The following ASTN2 variants were observed in gnomAD, a reference collection of about 807,000 sequenced individuals.
ASTN2 encodes the protein astrotactin-2.
A neutral mutation model predicts 139.8 loss-of-function variants in ASTN2; 54 were observed. The ratio of observed to expected loss-of-function variants is 0.39; its 90% CI spans 0.31 to 0.48. The LOEUF (loss-of-function observed/expected upper bound fraction) is 0.48, where lower values mean the gene tolerates loss of function less well. Ranked by LOEUF, ASTN2 falls within the 20% of genes least tolerant of loss-of-function variation. The pLI is 0.95. For synonymous variants in ASTN2, 756 were observed against 719.5 expected (o/e 1.05, Z -0.81); for missense variants, 1,565 against 1,725.1 (o/e 0.91, Z 1.64).
At chr9:117,004,326 G>T (rs115489490) in intron 7 of ASTN2, among the ~76,000 whole-genome samples, 2,553 of 152,092 alleles carry the variant, frequency 0.017, 62 homozygotes, top group African/African-American at 0.05. Context: ...TCACTATGTT[G>T]CCCAGGCTGG....
chr9:116,587,851 C>T (rs1854220669), intron 19 of ASTN2, among the ~76,000 whole-genome samples: 1 of 90,372 alleles, frequency 1.1e-5, no homozygotes, highest in African/African-American at 4.1e-5. Flanking sequence ...GCAGGAGATG[C>T]TCATATTCTA....
At chr9:117,142,988 A>C (rs1209424852) in intron 3 of ASTN2, among the ~76,000 whole-genome samples, 2 of 152,190 alleles carry the variant, frequency 1.3e-5, no homozygotes, top group Non-Finnish European at 1.5e-5. Context: ...TAGACAAAGA[A>C]GGCTCCTGAA....
intron 11 of ASTN2, among the ~76,000 whole-genome samples, chr9:116,859,896 G>A (rs1268407929): frequency 6.6e-6 from 1 of 152,252 alleles, no homozygotes; most frequent in Non-Finnish European, 1.5e-5. Context: ...GCTTTCCTCA[G>A]ATCCTCCAGG....
intron 1 of ASTN2, among the ~76,000 whole-genome samples, chr9:117,354,296 C>T (rs1304906226): frequency 6.6e-6 from 1 of 152,094 alleles, no homozygotes; most frequent in Non-Finnish European, 1.5e-5. Context: ...CATCATCTGG[C>T]CTCTGCCTCT....
At chr9:116,580,514 A>G (rs975114456) in intron 19 of ASTN2, among the ~76,000 whole-genome samples, 2 of 152,190 alleles carry the variant, frequency 1.3e-5, no homozygotes, top group African/African-American at 4.8e-5. Flanking sequence ...ATACCCTGTG[A>G]CACCAGGCTG....
chr9:117,304,134 G>A (rs7037378), intron 1 of ASTN2, among the ~76,000 whole-genome samples: 3,531 of 152,288 alleles, frequency 0.023, 123 homozygotes, highest in African/African-American at 0.08. Context: ...AAGACCATAC[G>A]AAGTGCCCAA....
intron 16 of ASTN2, chr9:116,697,908 A>G (rs1431470875): frequency 6.2e-7 from 1 of 1,614,234 alleles, no homozygotes; most frequent in Admixed American, 1.7e-5. Flanking sequence ...GGCCAGTAGC[A>G]TCAATGGTGT....
At chr9:116,886,051 G>T (rs1473384936) in intron 10 of ASTN2, among the ~76,000 whole-genome samples, 1 of 152,240 alleles carries the variant, frequency 6.6e-6, no homozygotes, top group Admixed American at 6.5e-5. Context: ...CCTCAGGACT[G>T]ATCCTCTTGC....
chr9:117,353,202 A>T (rs1265511240), intron 1 of ASTN2, among the ~76,000 whole-genome samples: 3 of 152,168 alleles, frequency 2.0e-5, no homozygotes, highest in Admixed American at 6.5e-5. Context: ...GTAAAAAAAA[A>T]ATCACAGCAC....
intron 19 of ASTN2, among the ~76,000 whole-genome samples, chr9:116,514,883 G>A (rs1032680031): frequency 6.6e-6 from 1 of 152,134 alleles, no homozygotes; most frequent in Non-Finnish European, 1.5e-5. Flanking sequence ...GATTTTCCAG[G>A]TGCCATCTGT....
intron 3 of ASTN2, among the ~76,000 whole-genome samples, chr9:117,147,857 C>G (rs1175817409): frequency 6.6e-6 from 1 of 152,164 alleles, no homozygotes; most frequent in East Asian, 1.9e-4. Context: ...TTGCTGCACT[C>G]TATAAGTACT....
intron 4 of ASTN2, among the ~76,000 whole-genome samples, chr9:117,125,320 CAT>C (rs1157105916): frequency 6.6e-6 from 1 of 152,102 alleles, no homozygotes; most frequent in East Asian, 1.9e-4. Flanking sequence ...TGTACAGAGA[CAT>C]AAACAAAATG....
intron 1 of ASTN2, among the ~76,000 whole-genome samples, chr9:117,307,400 A>G (rs969856644): frequency 2.6e-5 from 4 of 152,128 alleles, no homozygotes; most frequent in Middle Eastern, 3.2e-3. Context: ...CCCTCCTAAC[A>G]CTGACATCAT....
At chr9:117,292,855 A>AT (rs1268444425) in intron 1 of ASTN2, among the ~76,000 whole-genome samples, 3 of 152,142 alleles carry the variant, frequency 2.0e-5, no homozygotes, top group Admixed American at 6.5e-5. Context: ...AGAGGAGATG[A>AT]TACTACCAAA....
At position 117,214,572 on chromosome 9, in the gene ASTN2, G is replaced by A; in HGVS notation, c.801C>T (p.Ser267=). 4 of 1,609,858 alleles carry A rather than the reference G, an allele frequency of 2.5e-6. No individual in the cohort carries two copies. The highest frequency in any genetic ancestry group is 3.4e-6 in the Non-Finnish European group (4 of 1,176,414). ...GGGTTTGCAGCCGGGATGAACGGAAGCTCTCCCGCGCCTGGGGACCCAGCA... is the reference window on the plus strand; with the variant it reads ...GGGTTTGCAGCCGGGATGAACGGAAACTCTCCCGCGCCTGGGGACCCAGCA... ...SVLLGPQARE[S]FRSSRLQTHN... Residue 267 remains serine, a synonymous_variant, in exon 3 of 23, where the codon AGC becomes AGT. Coordinates refer to ENST00000313400, the MANE Select transcript of ASTN2 (RefSeq NM_001365068.1).
intron 20 of ASTN2, among the ~76,000 whole-genome samples, chr9:116,453,501 G>A (rs1335659763): frequency 1.4e-5 from 2 of 141,402 alleles, no homozygotes; most frequent in East Asian, 2.1e-4. Context: ...GGCTGAGGTG[G>A]AAGAATGATG....
At chr9:117,401,347 G>C (rs577314298) in intron 1 of ASTN2, among the ~76,000 whole-genome samples, 45 of 152,272 alleles carry the variant, frequency 3.0e-4, no homozygotes, top group Non-Finnish European at 4.9e-4. Context: ...ATAGCTGAGA[G>C]TGTGGTGTAT....
At chr9:116,705,554 AAG>A (rs1320404628) in intron 16 of ASTN2, among the ~76,000 whole-genome samples, 3 of 152,198 alleles carry the variant, frequency 2.0e-5, no homozygotes, top group Non-Finnish European at 4.4e-5. Context: ...CATATTGTGA[AAG>A]AATATCAAAA....
intron 13 of ASTN2, among the ~76,000 whole-genome samples, chr9:116,735,572 A>T (rs1828905788): frequency 6.6e-6 from 1 of 152,206 alleles, no homozygotes; most frequent in South Asian, 2.1e-4. Context: ...AGACAGATTG[A>T]TGTTTCCCCT....
Sources: gnomAD v4.1 joint callset for allele counts (sites outside exome capture counted in the v4.1 genomes callset) on GRCh38, gnomAD v4.1.1 for gene constraint, MANE v1.5 for transcripts, NCBI Gene and HGNC (gene_info 2026-07-23, HGNC 2026-07-21) for gene names.